Variants in NCAPD2 observed in about 807,000 individuals in gnomAD.
The protein encoded by NCAPD2 is condensin complex subunit 1.
A neutral mutation model predicts 164.5 loss-of-function variants in NCAPD2; 100 were observed. The ratio of observed to expected loss-of-function variants is 0.61; its 90% CI spans 0.52 to 0.72. NCAPD2 has a LOEUF of 0.72. Among genes scored for constraint, NCAPD2 ranks in the 30% least tolerant of loss-of-function variants. NCAPD2 has a pLI of 0.00. For synonymous variants in NCAPD2, 585 were observed against 642.6 expected (o/e 0.91, Z 1.36); for missense variants, 1,560 against 1,749.2 (o/e 0.89, Z 1.93).
Position 6,495,104 on chromosome 12 carries a change from T to G in NCAPD2, c.6T>G (p.Ala2=). The G allele has an allele frequency of 6.2e-7, 1 of 1,614,086 alleles. No homozygotes were observed. The highest frequency in any genetic ancestry group is 8.5e-7 in the Non-Finnish European group (1 of 1,179,986). The stretch of plus-strand genomic sequence containing the variant: ...TGTGAGCCTGTAGGAGTAGAATGGC[T>G]CCCCAAATGTATGAGTTCCATCTGC... M[A]PQMYEFHLPL... is the part of the protein sequence containing the mutation. The change falls in exon 2 of 32, where the codon GCT becomes GCG. Residue 2 remains alanine (A), a synonymous_variant. Coordinates refer to ENST00000315579, the MANE Select transcript of NCAPD2 (RefSeq NM_014865.4).
In NCAPD2 at chr12:6,514,875, C is replaced by A. The variant is rs138681507; in HGVS notation, c.942C>A (p.Ile314=). 1.9e-6 allele frequency: 3 copies of A among 1,614,192 alleles called. No individual in the cohort carries two copies. The highest frequency in any genetic ancestry group is 2.7e-5 in the African/African-American group (2 of 75,058). The part of the protein sequence containing the change: ...LTELAERVPA[I]LMSSMCILLD... ...AACTAGCAGAACGTGTCCCAGCTAT[C>A]CTGATGTCCAGCATGTGCATTTTGC... is the stretch of plus-strand genomic sequence containing the variant. The change falls in exon 9 of 32, where the codon ATC becomes ATA. Residue 314 remains isoleucine, a synonymous_variant. Coordinates refer to ENST00000315579, the MANE Select transcript of NCAPD2 (RefSeq NM_014865.4).
At chr12:6,521,312 C>T (rs576633839) in intron 14 of NCAPD2, among the ~76,000 whole-genome samples, 20 of 152,290 alleles carry the variant, frequency 1.3e-4, no homozygotes, top group African/African-American at 3.8e-4. Context: ...CAGACCATAG[C>T]GGTCTTTAGG....
intron 2 of NCAPD2, among the ~76,000 whole-genome samples, chr12:6,500,756 G>A (rs1475540423): frequency 2.0e-5 from 3 of 152,182 alleles, no homozygotes; most frequent in Non-Finnish European, 4.4e-5. Context: ...TTGAACTTCA[G>A]TGTGAATGAA....
Position 6,531,793 on chromosome 12 carries a change from A to G in NCAPD2, c.*381A>G. ...CACTCCAGCTTGGGCAACAATAGCG[A>G]ACCTCCATCTCAAATTAAAAAAAAA... On this transcript the variant is annotated 3_prime_UTR_variant, in exon 32 of 32. Coordinates refer to ENST00000315579, the MANE Select transcript of NCAPD2 (RefSeq NM_014865.4). This position sits in a 1 kb window ranked among gnomAD's most constrained non-coding sequence, Gnocchi z 4.1. The G allele has an allele frequency of 4.1e-6, 1 of 241,304 alleles. No homozygotes were observed. Among genetic ancestry groups the G allele is most frequent in the South Asian group, 4.6e-5 (1 of 21,696 alleles). 14.9% of individuals were successfully genotyped at this position (241,304 alleles called of 1,614,324 possible).
At chr12:6,529,722 A>C in intron 28 of NCAPD2, 53 bp from the exon 29 acceptor site, 4 of 1,601,524 alleles carry the variant, frequency 2.5e-6, no homozygotes, top group Non-Finnish European at 3.4e-6. Context: ...GGGAAGGTTG[A>C]GCCTTTACTA....
chr12:6,522,754 C>T (rs1002917056), intron 15 of NCAPD2, 74 bp from the exon 16 acceptor site: 1 of 1,528,868 alleles, frequency 6.5e-7, no homozygotes, highest in Non-Finnish European at 8.9e-7. Flanking sequence ...TTGCTACATT[C>T]AGAAAGGTTC....
chr12:6,517,163 C>T, intron 10 of NCAPD2, 138 bp downstream of exon 10: 5 of 1,268,506 alleles, frequency 3.9e-6, no homozygotes, highest in East Asian at 4.7e-5. Context: ...AAAAGTCTTC[C>T]TCTACCAAGG....
chr12:6,518,516 T>TTTTGTTTTG (rs1565544177), intron 13 of NCAPD2, among the ~76,000 whole-genome samples: 1 of 110,402 alleles, frequency 9.1e-6, no homozygotes, highest in Non-Finnish European at 1.8e-5. Context: ...TTTTTTTTTT[T>TTTTGTTTTG]TTTTTTTTTT....
At chr12:6,511,363 A>T in intron 6 of NCAPD2, 111 bp downstream of exon 6, 7 of 1,296,128 alleles carry the variant, frequency 5.4e-6, no homozygotes, top group South Asian at 1.5e-5. Context: ...ACAGAGCTTC[A>T]CTCTTGTCGC....
At chr12:6,512,828 T>C (rs1170591085) in intron 6 of NCAPD2, among the ~76,000 whole-genome samples, 7 of 152,106 alleles carry the variant, frequency 4.6e-5, no homozygotes, top group Admixed American at 4.6e-4. Flanking sequence ...TGGGGAGAAG[T>C]AGTTGGATTC....
At chr12:6,497,197 C>T (rs541650502) in intron 2 of NCAPD2, among the ~76,000 whole-genome samples, 47 of 152,292 alleles carry the variant, frequency 3.1e-4, no homozygotes, top group African/African-American at 1.1e-3. Context: ...ACTATTCTGT[C>T]CATATCATGT....
At position 6,526,549 on chromosome 12, in the gene NCAPD2, T is replaced by C; in HGVS notation, c.2668T>C (p.Leu890=). 1 of 1,614,104 alleles carries C rather than the reference T, an allele frequency of 6.2e-7. No homozygotes were observed. Among genetic ancestry groups the C allele is most frequent in the Non-Finnish European group, 8.5e-7 (1 of 1,180,006 alleles). ...EGPEVICAQI[L]QGCAKQALEK... is the part of the protein sequence containing the mutation. ...CCCCGAAGTGATCTGTGCCCAGATA[T>C]TGCAGGGCTGTGCAAAACAGGCCCT... Residue 890 remains leucine, a synonymous_variant, in exon 21 of 32, where the codon TTG becomes CTG. Coordinates refer to ENST00000315579, the MANE Select transcript of NCAPD2 (RefSeq NM_014865.4).
At position 6,526,062 on chromosome 12, in the gene NCAPD2, C is replaced by T. The variant is rs748010307; in HGVS notation, c.2349-6C>T. Reference sequence around the variant, plus strand: ...TGCCTTTAACTCTGTGGCTTCCTTCCCCTAGAGGAAAGCCAGAAATTGTGG... The same window carrying T: ...TGCCTTTAACTCTGTGGCTTCCTTCTCCTAGAGGAAAGCCAGAAATTGTGG... On this transcript the variant is annotated splice_region_variant and splice_polypyrimidine_tract_variant and intron_variant, in intron 18 of 31. Coordinates refer to ENST00000315579, the MANE Select transcript of NCAPD2 (RefSeq NM_014865.4). 4 of 1,613,350 alleles carry T rather than the reference C, an allele frequency of 2.5e-6. No homozygotes were observed. The Admixed American group carries it at 6.7e-5, about 27-fold the overall frequency.
At chr12:6,496,051 T>A (rs1023943831) in intron 2 of NCAPD2, among the ~76,000 whole-genome samples, 6 of 145,896 alleles carry the variant, frequency 4.1e-5, no homozygotes, top group African/African-American at 1.6e-4. Context: ...CAACTTCTTT[T>A]TGTTTTTCTT....
chr12:6,510,349 C>A, intron 4 of NCAPD2: 1 of 783,554 alleles, frequency 1.3e-6, no homozygotes, highest in Non-Finnish European at 2.3e-6. Context: ...TAAGGGCAGA[C>A]CAACAAGAAC....
chr12:6,514,023 C>T (rs1159834376), intron 6 of NCAPD2, among the ~76,000 whole-genome samples: 7 of 152,080 alleles, frequency 4.6e-5, no homozygotes, highest in Non-Finnish European at 1.5e-5. Flanking sequence ...CCAACTCTAT[C>T]ATATTTTTAT....
intron 21 of NCAPD2, 116 bp downstream of exon 21, chr12:6,526,731 T>C (rs751228408): frequency 6.2e-6 from 9 of 1,459,434 alleles, no homozygotes; most frequent in Non-Finnish European, 7.4e-6. Context: ...TGTGTCGTTT[T>C]TGTCTAAGTT....
At chr12:6,516,016 A>T (rs1392040883) in intron 9 of NCAPD2, among the ~76,000 whole-genome samples, 1 of 151,054 alleles carries the variant, frequency 6.6e-6, no homozygotes, top group African/African-American at 2.4e-5. Flanking sequence ...ACATGGTGAA[A>T]TCCCATCTCT....
At chr12:6,511,019 TG>T in intron 5 of NCAPD2, 90 bp from the exon 6 acceptor site, 1 of 1,415,414 alleles carries the variant, frequency 7.1e-7, no homozygotes, top group African/African-American at 1.4e-5. Flanking sequence ...TATGTTGTCT[TG>T]GTACTAGATT....
Sources: allele counts gnomAD v4.1 joint callset (sites outside exome capture counted in the v4.1 genomes callset), GRCh38; gene constraint gnomAD v4.1.1; non-coding constraint Gnocchi (gnomAD v3.1); transcripts MANE v1.5; gene names NCBI Gene and HGNC (gene_info 2026-07-23, HGNC 2026-07-21).